KLHL12: variants seen among roughly 807,000 people sequenced by gnomAD.
The protein encoded by KLHL12 is kelch like family member 12, also known as kelch-like protein 12.
A neutral mutation model predicts 60.8 loss-of-function variants in KLHL12; 17 were observed. The observed-to-expected ratio is 0.28, with a 90% CI of 0.19 to 0.42. The LOEUF (loss-of-function observed/expected upper bound fraction) is 0.42. Among genes scored for constraint, KLHL12 ranks in the 10% least tolerant of loss-of-function variants. The probability of loss-of-function intolerance (pLI) is 1.00; values close to 1 mark genes in which losing one functional copy is unlikely to be tolerated. For missense variants in KLHL12, 468 were observed against 722.3 expected (o/e 0.65, Z 4.04); for synonymous variants, 220 against 250.9 (o/e 0.88, Z 1.16).
At chr1:202,902,135 T>C (rs1409040035) in intron 6 of KLHL12, among the ~76,000 whole-genome samples, 1 of 152,050 alleles carries the variant, frequency 6.6e-6, no homozygotes, top group Non-Finnish European at 1.5e-5. Flanking sequence ...TGCACATTTA[T>C]AAAACACAAA....
At chr1:202,912,083 T>A in intron 4 of KLHL12, 1 of 804,006 alleles carries the variant, frequency 1.2e-6, no homozygotes, top group South Asian at 1.3e-5. Flanking sequence ...AAGAGAGCTG[T>A]TTCAAGGGAA....
rs1653627146 is a variant in KLHL12, at chr1:202,927,216, T to C, written c.-173A>G. The C allele has an allele frequency of 6.1e-6, 6 of 984,958 alleles. No individual in the cohort carries two copies. The highest frequency in any genetic ancestry group is 6.2e-5 in the Admixed American group (1 of 16,254). The allele number at this position is 984,958 out of a possible 1,614,324, so 61.0% of individuals were successfully genotyped here. A position where few individuals can be genotyped will look rare whatever the true frequency, so the allele number is the denominator to read the frequency against. ...GCCCAGACCCGGAGGCTCTGGAGGC[T>C]CTGGAGCCGTCCGGGTCTGGCCCCT... On this transcript the variant is annotated 5_prime_UTR_variant, in exon 1 of 12. Transcript: ENST00000367261.
chr1:202,923,851 A>G (rs1484837116), intron 2 of KLHL12, among the ~76,000 whole-genome samples: 1 of 114,122 alleles, frequency 8.8e-6, no homozygotes, highest in Non-Finnish European at 1.8e-5. Context: ...CTAAGATGAT[A>G]GAACTAACTA....
Position 202,919,893 on chromosome 1 carries a change from T to C in KLHL12, c.211A>G (p.Lys71Glu). ...MFTSELSEKGKPYVDIQGLTA... is the reference protein window; with the variant it reads ...MFTSELSEKGEPYVDIQGLTA... The stretch of plus-strand genomic sequence containing the variant: ...AAACCTTGGATGTCAACATAAGGTT[T>C]CCCCTTCTCTGAGAGCTGAAAATTC... The change falls in exon 3 of 12, where the codon AAA (lysine) becomes GAA (glutamate). Residue 71 changes from lysine (K) to glutamate (E), a missense_variant. Lys to Glu is a moderately conservative substitution (Grantham distance 56). This residue lies in a region of KLHL12 where 339 missense variants were observed against 525.0 expected (regional missense o/e 0.65). Transcript: ENST00000367261. The C allele has an allele frequency of 6.2e-7, 1 of 1,613,250 alleles. No individual in the cohort carries two copies. Among genetic ancestry groups the C allele is most frequent in the Non-Finnish European group, 8.5e-7 (1 of 1,179,708 alleles).
intron 4 of KLHL12, 41 bp downstream of exon 4, chr1:202,918,130 C>T (rs1420879535): frequency 6.9e-7 from 1 of 1,451,258 alleles, no homozygotes; most frequent in Admixed American, 1.8e-5. Context: ...TTTGTAATTG[C>T]CCAATCTTGA....
At chr1:202,899,504 G>C in intron 6 of KLHL12, among the ~76,000 whole-genome samples, 1 of 152,076 alleles carries the variant, frequency 6.6e-6, no homozygotes, top group East Asian at 1.9e-4. Flanking sequence ...AAGTGAGCCA[G>C]CAAGTAGGTC....
At chr1:202,911,009 A>G (rs1660334897) in intron 5 of KLHL12, 45 bp downstream of exon 5, 1 of 1,602,678 alleles carries the variant, frequency 6.2e-7, no homozygotes, top group Non-Finnish European at 8.5e-7. Flanking sequence ...CACTAAGGTA[A>G]GAGTCCGTCA....
intron 6 of KLHL12, 42 bp downstream of exon 6, chr1:202,908,968 A>T: frequency 8.3e-7 from 1 of 1,203,172 alleles, no homozygotes; most frequent in Non-Finnish European, 1.2e-6. Context: ...TGCAAGAAGT[A>T]GTTGAAAAGC....
chr1:202,896,584 G>A (rs1224988905), intron 7 of KLHL12, among the ~76,000 whole-genome samples: 2 of 152,184 alleles, frequency 1.3e-5, no homozygotes, highest in East Asian at 3.9e-4. Flanking sequence ...AATGTGCTAG[G>A]AATTATACAG....
At chr1:202,907,535 T>C (rs1440036825) in intron 6 of KLHL12, among the ~76,000 whole-genome samples, 2 of 141,230 alleles carry the variant, frequency 1.4e-5, no homozygotes, top group Admixed American at 7.4e-5. Context: ...CTGGGAGAGG[T>C]TGTAGTGAGC....
chr1:202,908,589 C>A (rs1198619006), intron 6 of KLHL12, among the ~76,000 whole-genome samples: 3 of 152,142 alleles, frequency 2.0e-5, no homozygotes, highest in African/African-American at 7.2e-5. Context: ...CCACACTGGG[C>A]TCCTTTTCTT....
intron 4 of KLHL12, chr1:202,912,378 G>C (rs1660389567): frequency 1.3e-6 from 1 of 795,680 alleles, no homozygotes. Flanking sequence ...GATGGCTAGT[G>C]CTTCATCCAG....
chr1:202,927,255 G>A, upstream of KLHL12: 1 of 984,536 alleles, frequency 1.0e-6, no homozygotes, highest in Non-Finnish European at 1.2e-6. Flanking sequence ...GCCGCGCGAC[G>A]TGATGACGCA....
rs199715266 is a variant in KLHL12, at chr1:202,919,798, A to G, written c.306T>C (p.Asn102=). 6.2e-7 allele frequency: 1 copy of G among 1,613,698 alleles called. No homozygotes were observed. The highest frequency in any genetic ancestry group is 8.5e-7 in the Non-Finnish European group (1 of 1,179,894). ...AGGCTGCAGGAAGCAGTTCTTGTACATTCTCCACTGTCACATGTACTGTTT... is the reference window on the plus strand; with the variant it reads ...AGGCTGCAGGAAGCAGTTCTTGTACGTTCTCCACTGTCACATGTACTGTTT... The part of the protein sequence containing the change: ...YTETVHVTVE[N]VQELLPAACL... The change falls in exon 3 of 12, where the codon AAT becomes AAC. Residue 102 remains asparagine, a synonymous_variant. Coordinates refer to ENST00000367261, the MANE Select transcript of KLHL12 (RefSeq NM_021633.4).
chr1:202,904,198 T>G (rs1026159276), intron 6 of KLHL12, among the ~76,000 whole-genome samples: 10 of 151,826 alleles, frequency 6.6e-5, no homozygotes, highest in African/African-American at 2.4e-4. Flanking sequence ...GAGACAGGAT[T>G]TCTCCATGTT....
chr1:202,908,357 T>A (rs1314685845), intron 6 of KLHL12, among the ~76,000 whole-genome samples: 1 of 152,218 alleles, frequency 6.6e-6, no homozygotes. Context: ...TAATAGCTAA[T>A]ACACATAGTT....
intron 2 of KLHL12, among the ~76,000 whole-genome samples, chr1:202,920,369 A>ATTTTTTTTTTTTTT (rs951695987): frequency 4.8e-5 from 4 of 83,826 alleles, no homozygotes; most frequent in African/African-American, 9.5e-5. Context: ...ATTTTGTTGG[A>ATTTTTTTTTTTTTT]TTTTTTTTTT....
intron 7 of KLHL12, among the ~76,000 whole-genome samples, chr1:202,896,326 C>G (rs575993100): frequency 6.6e-6 from 1 of 152,150 alleles, no homozygotes; most frequent in Non-Finnish European, 1.5e-5. Context: ...GCTAGGACTA[C>G]AGGCATGCAC....
Position 202,894,251 on chromosome 1 carries a change from T to C in KLHL12, c.1326A>G (p.Ser442=). 1.3e-6 allele frequency: 2 copies of C among 1,557,450 alleles called. No homozygotes were observed. The highest frequency in any genetic ancestry group is 8.7e-7 in the Non-Finnish European group (1 of 1,149,248). The change falls in exon 10 of 12, where the codon TCA becomes TCG. Residue 442 remains serine (S), a synonymous_variant. Transcript: ENST00000367261. ...GGYDGLNILN[S]VEKYDPHTGH... ...CTGTATGAGGGTCGTATTTCTCAAC[T>C]GAATTTAAGATATTCAAGCCGTCAT...
Sources: allele counts gnomAD v4.1 joint callset (sites outside exome capture counted in the v4.1 genomes callset), GRCh38; gene constraint gnomAD v4.1.1; regional missense constraint gnomAD v4.1.1; transcripts MANE v1.5; gene names NCBI Gene and HGNC (gene_info 2026-07-23, HGNC 2026-07-21).